The following SRPRB variants were observed in gnomAD, a reference collection of about 807,000 sequenced individuals.
SRPRB encodes signal recognition particle receptor subunit beta.
Under a neutral mutation model 31.9 loss-of-function variants are expected in SRPRB, and 20 were observed. The observed-to-expected ratio is 0.63, with a 90% CI of 0.44 to 0.91. The LOEUF (loss-of-function observed/expected upper bound fraction) is 0.91, where lower values mean the gene tolerates loss of function less well. Ranked by LOEUF, SRPRB falls within the 40% of genes least tolerant of loss-of-function variation. The probability of loss-of-function intolerance (pLI) is 0.00; values close to 1 mark genes in which losing one functional copy is unlikely to be tolerated. For missense variants in SRPRB, 321 were observed against 324.9 expected, an observed-to-expected ratio of 0.99 and a Z score of 0.09; for synonymous variants, 146 against 132.8, an observed-to-expected ratio of 1.10 and a Z score of -0.68.
At chr3:133,797,722 A>T (rs994309761) in intron 1 of SRPRB, among the ~76,000 whole-genome samples, 8 of 152,228 alleles carry the variant, frequency 5.3e-5, no homozygotes, top group Non-Finnish European at 8.8e-5. Context: ...ATTGTTCTGT[A>T]TGTGAATTTT....
At chr3:133,788,951 C>T (rs1041263408) in intron 1 of SRPRB, 1 of 152,210 alleles carries the variant, frequency 6.6e-6, no homozygotes, top group African/African-American at 2.4e-5. Context: ...ATAATGTGGC[C>T]TTATCAAATT....
intron 1 of SRPRB, chr3:133,794,956 A>G (rs1245178067): frequency 6.6e-6 from 1 of 152,276 alleles, no homozygotes; most frequent in Non-Finnish European, 1.5e-5. Flanking sequence ...TCCTTTTTCC[A>G]TGATTTGGAA....
intron 1 of SRPRB, among the ~76,000 whole-genome samples, chr3:133,798,614 T>G (rs1381574648): frequency 6.6e-6 from 1 of 152,230 alleles, no homozygotes; most frequent in Admixed American, 6.5e-5. Context: ...TAGATTGAGT[T>G]GGTGTAGTGT....
chr3:133,787,106 T>G (rs1487011701), intron 1 of SRPRB: 3 of 152,262 alleles, frequency 2.0e-5, no homozygotes, highest in African/African-American at 7.2e-5. Context: ...GTCTGTTTTG[T>G]GCATTTTGTT....
In SRPRB at chr3:133,814,422, C is replaced by T. The variant is rs559358003; in HGVS notation, c.411-1168C>T. Among the ~76,000 whole-genome samples the T allele has an allele frequency of 7.9e-5, 12 of 151,444 alleles. No homozygotes were observed. In the East Asian group the frequency reaches 1.4e-3, roughly 17 times the overall value. ...CTGGGATTACAGGCGTGAGCCACCGCGCCTGGCCGGTTTTTTTGTTTTTTT... is the reference window on the plus strand; with the variant it reads ...CTGGGATTACAGGCGTGAGCCACCGTGCCTGGCCGGTTTTTTTGTTTTTTT... On this transcript the variant is annotated intron_variant, in intron 4 of 6. Coordinates refer to ENST00000678299, the MANE Select transcript of SRPRB (RefSeq NM_001379313.1).
chr3:133,827,924 A>G (rs1935595637), downstream of SRPRB: 2 of 702,770 alleles, frequency 2.8e-6, no homozygotes, highest in East Asian at 5.4e-5. Flanking sequence ...ATATTTTCAG[A>G]AGTACACATG....
At position 133,819,637 on chromosome 3, in the gene SRPRB, C is replaced by T. The variant is rs778834081; in HGVS notation, c.687C>T (p.Gly229=). Residue 229 remains glycine (G), a synonymous_variant, in exon 7 of 7, where the codon GGC becomes GGT. Coordinates refer to ENST00000678299, the MANE Select transcript of SRPRB (RefSeq NM_001379313.1). ...CCCCTGCTCAGCTGGGGAAGAAAGGCAAAGAGTTTGAATTCTCACAGTTGC... is the reference window on the plus strand; with the variant it reads ...CCCCTGCTCAGCTGGGGAAGAAAGGTAAAGAGTTTGAATTCTCACAGTTGC... The part of the protein sequence containing the change: ...STAPAQLGKK[G]KEFEFSQLPL... 1 of 1,614,178 alleles carries T rather than the reference C, an allele frequency of 6.2e-7. No individual in the cohort carries two copies. The highest frequency in any genetic ancestry group is 1.1e-5 in the South Asian group (1 of 91,066).
chr3:133,787,612 G>T (rs957886851), intron 1 of SRPRB: 8 of 152,196 alleles, frequency 5.3e-5, no homozygotes, highest in Non-Finnish European at 1.2e-4. Flanking sequence ...AAGTGGGATT[G>T]TTAAATCACC....
At position 133,807,770 on chromosome 3, in the gene SRPRB, A is replaced by G; in HGVS notation, c.274A>G (p.Thr92Ala). Residue 92 changes from threonine to alanine, a missense_variant, in exon 3 of 7, where the codon ACT becomes GCT. Thr to Ala is a moderately conservative substitution (Grantham distance 58). Transcript: ENST00000678299. Reference sequence around the variant, plus strand: ...GTTGTTAACAGGCCTTTATAGAGACACTCAGACGTCCATTACTGACAGCTG... The same window carrying G: ...GTTGTTAACAGGCCTTTATAGAGACGCTCAGACGTCCATTACTGACAGCTG... ...VRLLTGLYRD[T>A]QTSITDSCAV... is the part of the protein sequence containing the mutation. 6.2e-7 allele frequency: 1 copy of G among 1,612,894 alleles called. No individual in the cohort carries two copies.
downstream of SRPRB, among the ~76,000 whole-genome samples, chr3:133,821,826 G>A (rs1935480112): frequency 6.6e-6 from 1 of 152,294 alleles, no homozygotes; most frequent in African/African-American, 2.4e-5. Flanking sequence ...ATCTGGCCTG[G>A]AGTGTCACGT....
chr3:133,801,981 T>C (rs1378526206), upstream of SRPRB, among the ~76,000 whole-genome samples: 1 of 150,256 alleles, frequency 6.7e-6, no homozygotes, highest in Non-Finnish European at 1.5e-5. Context: ...GTTAAGTAGA[T>C]AGAAGCCCAA....
At chr3:133,819,444 G>T (rs910294070) in intron 6 of SRPRB, 109 bp from the exon 7 acceptor site, 35 of 890,654 alleles carry the variant, frequency 3.9e-5, no homozygotes, top group Non-Finnish European at 5.5e-5. Flanking sequence ...AGCATAATTG[G>T]CAATTCTATA....
At chr3:133,825,370 C>T (rs1346318852), downstream of SRPRB, 1 of 152,266 alleles carries the variant, frequency 6.6e-6, no homozygotes, top group East Asian at 1.9e-4. Flanking sequence ...ACCACCATTT[C>T]AATCCTTGTT....
chr3:133,817,441 C>G (rs1935386657), intron 6 of SRPRB, among the ~76,000 whole-genome samples: 3 of 152,194 alleles, frequency 2.0e-5, no homozygotes, highest in Admixed American at 1.3e-4. Context: ...GACTACAAGT[C>G]TTTGATACTA....
Position 133,819,631 on chromosome 3 carries a change from G to T in SRPRB, c.681G>T (p.Lys227Asn). The part of the protein sequence containing the change: ...SSSTAPAQLG[K>N]KGKEFEFSQL... ...GCACTGCCCCTGCTCAGCTGGGGAA[G>T]AAAGGCAAAGAGTTTGAATTCTCAC... Residue 227 changes from lysine (K) to asparagine (N), a missense_variant, in exon 7 of 7, where the codon AAG becomes AAT. By Grantham distance (94) the Lys-to-Asn change is moderately conservative. Transcript: ENST00000678299. 1 of 1,614,222 alleles carries T rather than the reference G, an allele frequency of 6.2e-7. No homozygotes were observed. The highest frequency in any genetic ancestry group is 8.5e-7 in the Non-Finnish European group (1 of 1,180,040).
chr3:133,819,501 T>C, intron 6 of SRPRB, 52 bp from the exon 7 acceptor site: 1 of 1,535,274 alleles, frequency 6.5e-7, no homozygotes, highest in Non-Finnish European at 9.0e-7. Flanking sequence ...TAATATGATT[T>C]AATTGCTGTA....
upstream of SRPRB, among the ~76,000 whole-genome samples, chr3:133,802,405 G>GA (rs948989980): frequency 8.7e-5 from 13 of 150,162 alleles, no homozygotes; most frequent in East Asian, 1.9e-4. Context: ...GACCCTGCCT[G>GA]AAAAAAAAAA....
At chr3:133,827,684 C>T, downstream of SRPRB, 1 of 571,322 alleles carries the variant, frequency 1.8e-6, no homozygotes, top group Non-Finnish European at 3.1e-6. Flanking sequence ...AAGCACTCAA[C>T]AATATTAGCA....
chr3:133,806,293 T>C (rs1935156845), intron 1 of SRPRB, among the ~76,000 whole-genome samples: 1 of 152,236 alleles, frequency 6.6e-6, no homozygotes, highest in Non-Finnish European at 1.5e-5. Context: ...CTTCCGCTGT[T>C]CTCACTGCAA....
Sources: allele counts gnomAD v4.1 joint callset (sites outside exome capture counted in the v4.1 genomes callset), GRCh38; gene constraint gnomAD v4.1.1; transcripts MANE v1.5; gene names NCBI Gene and HGNC (gene_info 2026-07-23, HGNC 2026-07-21).